Variants in INPP4A observed in about 807,000 individuals in gnomAD.
INPP4A encodes inositol polyphosphate-4-phosphatase type I A, also known as inositol polyphosphate-4-phosphatase, type I, 107kD.
Under a neutral mutation model 119.8 loss-of-function variants are expected in INPP4A, and 33 were observed. The observed-to-expected ratio is 0.28, with a 90% CI of 0.21 to 0.37. The LOEUF (loss-of-function observed/expected upper bound fraction) is 0.37. INPP4A is among the 10% of genes least tolerant of loss of function. The pLI, the probability that INPP4A is intolerant of heterozygous loss-of-function variation, is 1.00. For synonymous variants in INPP4A, 496 were observed against 500.7 expected (o/e 0.99, Z 0.12); for missense variants, 956 against 1,289.9 (o/e 0.74, Z 3.97).
chr2:98,529,317 A>C (rs942739966), intron 4 of INPP4A, among the ~76,000 whole-genome samples: 13 of 152,328 alleles, frequency 8.5e-5, no homozygotes, highest in African/African-American at 2.9e-4. Flanking sequence ...ATAGATAGAA[A>C]GTAGATCAGT....
intron 1 of INPP4A, among the ~76,000 whole-genome samples, chr2:98,518,041 T>C (rs77932002): frequency 0.031 from 4,752 of 152,356 alleles, 271 homozygotes; most frequent in African/African-American, 0.11. Flanking sequence ...ATGTTTACCA[T>C]GTGTGTTCCT....
chr2:98,557,913 C>T (rs1352631204), intron 16 of INPP4A, among the ~76,000 whole-genome samples: 3 of 152,322 alleles, frequency 2.0e-5, no homozygotes, highest in African/African-American at 4.8e-5. Context: ...TGGCTTCCAC[C>T]GCCTTCCTCC....
chr2:98,572,320 T>C (rs72821965), intron 22 of INPP4A, among the ~76,000 whole-genome samples: 39,643 of 152,226 alleles, frequency 0.26, 5,182 homozygotes, highest in Middle Eastern at 0.35. Context: ...CAGGGGCTTC[T>C]CTGGGTCCCG....
chr2:98,537,595 G>A (rs1388942938), intron 7 of INPP4A, among the ~76,000 whole-genome samples: 2 of 152,180 alleles, frequency 1.3e-5, no homozygotes, highest in African/African-American at 4.8e-5. Flanking sequence ...TCCTCCTCAG[G>A]GAGGCCCCCT....
At chr2:98,464,547 CTCT>C (rs1674344574) in intron 1 of INPP4A, among the ~76,000 whole-genome samples, 1 of 152,206 alleles carries the variant, frequency 6.6e-6, no homozygotes. Flanking sequence ...CCTGCCCAGC[CTCT>C]TCTTCTGCCA....
chr2:98,539,214 AG>A (rs1322915255), intron 9 of INPP4A, among the ~76,000 whole-genome samples: 1 of 152,262 alleles, frequency 6.6e-6, no homozygotes, highest in Non-Finnish European at 1.5e-5. Context: ...TAATACTCCA[AG>A]GAAGTAATAC....
chr2:98,590,727 T>G lies in INPP4A; in HGVS notation c.*3119T>G, dbSNP rs1192233584. The G allele has an allele frequency of 4.5e-6, 1 of 221,448 alleles. No individual in the cohort carries two copies. The highest frequency in any genetic ancestry group is 6.6e-5 in the East Asian group (1 of 15,080). 13.7% of individuals were successfully genotyped at this position (221,448 alleles called of 1,614,324 possible). On this transcript the variant is annotated 3_prime_UTR_variant, in exon 25 of 25. Transcript: ENST00000409851. ...TTCTAGGCACACACGACCCGTTATCTCCCTTGGAAAAATTCCTCTCACTGG... is the reference window on the plus strand; with the variant it reads ...TTCTAGGCACACACGACCCGTTATCGCCCTTGGAAAAATTCCTCTCACTGG...
intron 1 of INPP4A, among the ~76,000 whole-genome samples, chr2:98,489,245 C>T (rs980085386): frequency 2.0e-5 from 3 of 151,798 alleles, no homozygotes; most frequent in Admixed American, 6.6e-5. Context: ...AATGTGGTCT[C>T]GGGTCTCAGT....
intron 1 of INPP4A, among the ~76,000 whole-genome samples, chr2:98,505,211 T>C (rs1389776172): frequency 6.6e-6 from 1 of 152,248 alleles, no homozygotes. Flanking sequence ...TCAGGCAGCC[T>C]CCTGCTGGGA....
At chr2:98,494,829 G>T (rs966739969) in intron 1 of INPP4A, among the ~76,000 whole-genome samples, 1 of 152,208 alleles carries the variant, frequency 6.6e-6, no homozygotes, top group Non-Finnish European at 1.5e-5. Flanking sequence ...CTAGGCAGTT[G>T]TCAAAAACAA....
chr2:98,505,013 C>G (rs1247122362), intron 1 of INPP4A, among the ~76,000 whole-genome samples: 2 of 152,246 alleles, frequency 1.3e-5, no homozygotes, highest in African/African-American at 4.8e-5. Flanking sequence ...TTACCAGATT[C>G]ACTCTAGGCT....
At chr2:98,505,631 A>G (rs1683899683) in intron 1 of INPP4A, among the ~76,000 whole-genome samples, 1 of 152,198 alleles carries the variant, frequency 6.6e-6, no homozygotes, top group South Asian at 2.1e-4. Flanking sequence ...TAGTAAATAG[A>G]AGGAAGTTAC....
At chr2:98,558,503 A>G (rs910919580) in intron 16 of INPP4A, among the ~76,000 whole-genome samples, 2 of 152,182 alleles carry the variant, frequency 1.3e-5, no homozygotes, top group African/African-American at 4.8e-5. Context: ...CCCCTTTGCC[A>G]GTTTGAAAAG....
intron 22 of INPP4A, among the ~76,000 whole-genome samples, chr2:98,571,197 G>T (rs914833393): frequency 2.6e-5 from 4 of 152,222 alleles, no homozygotes; most frequent in African/African-American, 9.6e-5. Flanking sequence ...TCCACTTTAT[G>T]TGGATTCTCT....
At chr2:98,497,675 A>G (rs1036482776) in intron 1 of INPP4A, among the ~76,000 whole-genome samples, 6 of 139,904 alleles carry the variant, frequency 4.3e-5, no homozygotes, top group Non-Finnish European at 7.9e-5. Flanking sequence ...GTAGTTTGCA[A>G]ATATTTTCTT....
intron 4 of INPP4A, among the ~76,000 whole-genome samples, chr2:98,526,884 C>T (rs1688271126): frequency 6.6e-6 from 1 of 152,130 alleles, no homozygotes; most frequent in African/African-American, 2.4e-5. Context: ...AGGTGCCACA[C>T]ACTTAAACAA....
chr2:98,588,760 T>TA lies in INPP4A; in HGVS notation c.*1153dup, dbSNP rs1458821473. 2 of 222,092 alleles carry TA rather than the reference T, an allele frequency of 9.0e-6. No individual in the cohort carries two copies. Among genetic ancestry groups the TA allele is most frequent in the African/African-American group, 2.2e-5 (1 of 44,748 alleles). The allele number at this position is 222,092 out of a possible 1,614,324, so 13.8% of individuals were successfully genotyped here. ...TCTTTTATAAGATGATGATGAGTCT[T>TA]ATCTGCACATAGCAGAGTTTGTTTC... On this transcript the variant is annotated 3_prime_UTR_variant, in exon 25 of 25. Transcript: ENST00000409851.
chr2:98,558,325 T>C (rs1300137505), intron 16 of INPP4A, among the ~76,000 whole-genome samples: 1 of 152,076 alleles, frequency 6.6e-6, no homozygotes, highest in Non-Finnish European at 1.5e-5. Context: ...GAGGCAAAAA[T>C]CTGTATTTTT....
At chr2:98,499,741 A>G (rs1422490205) in intron 1 of INPP4A, among the ~76,000 whole-genome samples, 2 of 152,232 alleles carry the variant, frequency 1.3e-5, no homozygotes, top group Non-Finnish European at 2.9e-5. Context: ...GAGAGTTCCT[A>G]TATGTCTCTT....
Sources: allele counts gnomAD v4.1 joint callset (sites outside exome capture counted in the v4.1 genomes callset), GRCh38; gene constraint gnomAD v4.1.1; transcripts MANE v1.5; gene names NCBI Gene and HGNC (gene_info 2026-07-23, HGNC 2026-07-21).